The following VWA8 variants were observed in gnomAD, a reference collection of about 807,000 sequenced individuals.
VWA8 encodes the protein von Willebrand factor A domain containing 8, also known as von Willebrand factor A domain-containing protein 8.
A neutral mutation model predicts 241.5 loss-of-function variants in VWA8; 221 were observed. That is an observed-to-expected ratio of 0.91 (90% CI 0.82 to 1.02). The LOEUF is 1.02. VWA8 is among the 50% of genes least tolerant of loss of function. The pLI is 0.00. For missense variants in VWA8, 2,322 were observed against 2,328.7 expected (o/e 1.00, Z 0.06); for synonymous variants, 852 against 827.1 (o/e 1.03, Z -0.52).
chr13:41,663,413 G>A (rs886511949), intron 37 of VWA8, among the ~76,000 whole-genome samples: 3 of 151,654 alleles, frequency 2.0e-5, no homozygotes, highest in Non-Finnish European at 2.9e-5. Context: ...AAGCATACAC[G>A]GTTTAATAAG....
chr13:41,752,495 TAA>T (rs1483382178), intron 21 of VWA8, among the ~76,000 whole-genome samples: 4 of 152,158 alleles, frequency 2.6e-5, no homozygotes, highest in Admixed American at 2.6e-4. Context: ...ATCCAGTGCC[TAA>T]AACAGACACT....
chr13:41,663,224 T>TAA (rs35241585), intron 37 of VWA8, among the ~76,000 whole-genome samples: 1 of 151,010 alleles, frequency 6.6e-6, no homozygotes, highest in African/African-American at 2.4e-5. Flanking sequence ...TTCAGTTACA[T>TAA]AAAAAAAAAG....
At chr13:41,680,187 C>G (rs1047675935) in intron 35 of VWA8, among the ~76,000 whole-genome samples, 23 of 152,068 alleles carry the variant, frequency 1.5e-4, no homozygotes, top group Non-Finnish European at 2.9e-4. Context: ...TTCATTGGAG[C>G]TAATAAGCAT....
At chr13:41,921,254 C>T (rs1876518991) in intron 2 of VWA8, among the ~76,000 whole-genome samples, 1 of 152,298 alleles carries the variant, frequency 6.6e-6, no homozygotes, top group Admixed American at 6.5e-5. Flanking sequence ...ATGCTAAAAA[C>T]TCTCAATAAA....
In VWA8 at chr13:41,738,959, T is replaced by C. The variant is rs137977579; in HGVS notation, c.2427-6804A>G. On this transcript the variant is annotated intron_variant, in intron 21 of 44. Coordinates refer to ENST00000379310, the MANE Select transcript of VWA8 (RefSeq NM_015058.2). ...GTAAATATGGTATATATGACCTTTT[T>C]AAAAAGACTTTATCAATTGAGTAAC... is the stretch of plus-strand genomic sequence containing the variant. Among the ~76,000 whole-genome samples the C allele has an allele frequency of 3.6e-3, 550 of 152,282 alleles. 2 individuals are homozygous for C. Among genetic ancestry groups the C allele is most frequent in the African/African-American group, 0.013 (520 of 41,556 alleles).
At chr13:41,747,490 G>C (rs1270953439) in intron 21 of VWA8, among the ~76,000 whole-genome samples, 6 of 152,204 alleles carry the variant, frequency 3.9e-5, no homozygotes, top group Non-Finnish European at 5.9e-5. Flanking sequence ...AGCTTAAGGA[G>C]ATTTTGGGCT....
intron 34 of VWA8, among the ~76,000 whole-genome samples, chr13:41,688,997 T>C (rs1263446364): frequency 6.6e-6 from 1 of 152,118 alleles, no homozygotes; most frequent in East Asian, 1.9e-4. Flanking sequence ...AATAAATATA[T>C]AGAATGTGTA....
At chr13:41,782,521 T>C (rs554150284) in intron 19 of VWA8, among the ~76,000 whole-genome samples, 1 of 152,314 alleles carries the variant, frequency 6.6e-6, no homozygotes, top group African/African-American at 2.4e-5. Context: ...TTATTTTCTG[T>C]TCATTTGTTT....
intron 12 of VWA8, among the ~76,000 whole-genome samples, chr13:41,862,831 T>G (rs769141831): frequency 4.1e-4 from 63 of 152,226 alleles, no homozygotes; most frequent in Non-Finnish European, 8.7e-4. Context: ...CTGGCAGCTA[T>G]GTAAATTAGT....
At chr13:41,612,180 A>G (rs574229334) in intron 38 of VWA8, among the ~76,000 whole-genome samples, 4 of 152,178 alleles carry the variant, frequency 2.6e-5, no homozygotes, top group Non-Finnish European at 5.9e-5. Flanking sequence ...ATATTACCTT[A>G]GTTTTCCTTA....
At chr13:41,636,034 G>A (rs2044754325) in intron 37 of VWA8, among the ~76,000 whole-genome samples, 1 of 152,034 alleles carries the variant, frequency 6.6e-6, no homozygotes, top group Non-Finnish European at 1.5e-5. Context: ...TTAAATCAAA[G>A]CCGAATAAAC....
chr13:41,677,118 GTTATGGCATGGGGATTGTGTTTTTTGGGA>G (rs1285332433), intron 35 of VWA8, among the ~76,000 whole-genome samples: 6 of 152,154 alleles, frequency 3.9e-5, no homozygotes, highest in Admixed American at 2.6e-4. Flanking sequence ...AACATTTGGG[GTTATGGCATGGGGATTGTGTTTTTTGGGA>G]TTATGATCAG....
intron 21 of VWA8, among the ~76,000 whole-genome samples, chr13:41,740,808 T>A (rs2045564233): frequency 6.6e-6 from 1 of 152,236 alleles, no homozygotes; most frequent in Admixed American, 6.5e-5. Context: ...TTTGTCCCGT[T>A]TTCTCATCTG....
intron 2 of VWA8, among the ~76,000 whole-genome samples, chr13:41,939,464 A>T (rs1877498813): frequency 6.6e-6 from 1 of 152,186 alleles, no homozygotes; most frequent in Admixed American, 6.5e-5. Context: ...GGCAGGAGGT[A>T]ACAAGACCTA....
In VWA8 at chr13:41,749,744, C is replaced by T. The variant is rs554319170; in HGVS notation, c.2426+11384G>A. On this transcript the variant is annotated intron_variant, in intron 21 of 44. Coordinates refer to ENST00000379310, the MANE Select transcript of VWA8 (RefSeq NM_015058.2). ...GCTCGAAACCATCATTCTCAGCAAA[C>T]TATCGCAAGGACAAAAAACCAAACA... is the stretch of plus-strand genomic sequence containing the variant. Among the ~76,000 whole-genome samples the T allele has an allele frequency of 5.9e-5, 9 of 152,174 alleles. No individual in the cohort carries two copies. In the East Asian group the frequency reaches 1.7e-3, roughly 29 times the overall value.
At chr13:41,714,098 T>C (rs1297348304) in intron 26 of VWA8, among the ~76,000 whole-genome samples, 1 of 152,064 alleles carries the variant, frequency 6.6e-6, no homozygotes, top group African/African-American at 2.4e-5. Flanking sequence ...ACAGGAGTTT[T>C]TATTTTCTTT....
intron 44 of VWA8, among the ~76,000 whole-genome samples, chr13:41,569,965 C>CTATA (rs200975577): frequency 1.2e-4 from 18 of 151,632 alleles, no homozygotes; most frequent in Non-Finnish European, 2.1e-4. Context: ...GTGAGTGTGT[C>CTATA]TATATATATA....
chr13:41,740,087 C>G (rs1291995444), intron 21 of VWA8, among the ~76,000 whole-genome samples: 1 of 151,846 alleles, frequency 6.6e-6, no homozygotes, highest in Non-Finnish European at 1.5e-5. Context: ...AATCTCCTGA[C>G]CTCGTGATCT....
chr13:41,680,984 G>C (rs1411140857), intron 35 of VWA8, among the ~76,000 whole-genome samples: 1 of 152,336 alleles, frequency 6.6e-6, no homozygotes, highest in Non-Finnish European at 1.5e-5. Flanking sequence ...TTCCCAACTA[G>C]TTCCCAACTC....
Sources: gnomAD v4.1 joint callset for allele counts (sites outside exome capture counted in the v4.1 genomes callset) on GRCh38, gnomAD v4.1.1 for gene constraint, MANE v1.5 for transcripts, NCBI Gene and HGNC (gene_info 2026-07-23, HGNC 2026-07-21) for gene names.